Variants in TTC3 observed in about 807,000 individuals in gnomAD.
TTC3 encodes the protein E3 ubiquitin-protein ligase TTC3.
A neutral mutation model predicts 249.6 loss-of-function variants in TTC3; 180 were observed. The observed-to-expected ratio is 0.72, with a 90% CI of 0.64 to 0.82. TTC3 has a LOEUF of 0.82. Ranked by LOEUF, TTC3 falls within the 40% of genes least tolerant of loss-of-function variation. The pLI is 0.00. For synonymous variants in TTC3, 717 were observed against 805.0 expected (o/e 0.89, Z 1.85); for missense variants, 2,061 against 2,398.4 (o/e 0.86, Z 2.94).
intron 16 of TTC3, 27 bp downstream of exon 16, chr21:37,129,090 T>G: frequency 6.5e-7 from 1 of 1,531,198 alleles, no homozygotes; most frequent in Non-Finnish European, 8.8e-7. Context: ...AGGTATGTTT[T>G]TTTCCCCTTA....
intron 1 of TTC3, among the ~76,000 whole-genome samples, chr21:37,079,523 T>TTTTTG (rs2071339768): frequency 4.6e-5 from 1 of 21,618 alleles, no homozygotes. Context: ...TATGGTTTTT[T>TTTTTG]TTTTTTTTTT....
intron 5 of TTC3, among the ~76,000 whole-genome samples, 159 bp downstream of exon 5, chr21:37,089,045 G>C (rs1021613699): frequency 3.3e-5 from 5 of 152,220 alleles, no homozygotes; most frequent in Admixed American, 3.3e-4. Context: ...TGCGTGCTCA[G>C]TATTTGAGAG....
rs1485754191 is a variant in TTC3, at chr21:37,151,839, A to G, written c.2277-54A>G. ...TATTGCTTGGAAGATGGTTTCTACG[A>G]TAGTCAAAGGAAAACAGTTCATTGA... On this transcript the variant is annotated intron_variant, in intron 25 of 45. Coordinates refer to ENST00000355666, the Ensembl canonical transcript of TTC3. 3 of 1,490,108 alleles carry G rather than the reference A, an allele frequency of 2.0e-6. No homozygotes were observed. The African/African-American group carries it at 4.3e-5, about 21-fold the overall frequency. 92.3% of individuals were successfully genotyped at this position (1,490,108 alleles called of 1,614,324 possible).
intron 35 of TTC3, 143 bp downstream of exon 35, chr21:37,172,887 T>C: frequency 9.4e-7 from 1 of 1,060,626 alleles, no homozygotes. Context: ...TGCTTCAGAT[T>C]TCTTCATGAC....
chr21:37,167,773 TTTA>T (rs2081380747), intron 34 of TTC3, among the ~76,000 whole-genome samples, 153 bp downstream of exon 34: 1 of 152,168 alleles, frequency 6.6e-6, no homozygotes, highest in Admixed American at 6.5e-5. Flanking sequence ...TGATTTTGTT[TTTA>T]TTGTTGAAAT....
chr21:37,087,174 A>G, intron 1 of TTC3, 73 bp from the exon 2 acceptor site: 1 of 1,540,686 alleles, frequency 6.5e-7, no homozygotes, highest in Non-Finnish European at 8.8e-7. Flanking sequence ...AATATACCAT[A>G]GAAGCCAGGA....
At chr21:37,087,961 T>C in intron 3 of TTC3, 86 bp downstream of exon 3, 2 of 1,068,566 alleles carry the variant, frequency 1.9e-6, no homozygotes, top group Non-Finnish European at 2.8e-6. Flanking sequence ...TACAACAGAT[T>C]TATATGCCTT....
intron 19 of TTC3, among the ~76,000 whole-genome samples, chr21:37,139,955 A>C (rs2078284836): frequency 6.6e-6 from 1 of 152,124 alleles, no homozygotes; most frequent in African/African-American, 2.4e-5. Context: ...TTTCACTCAC[A>C]GTAGGGTTAC....
intron 35 of TTC3, 76 bp from the exon 36 acceptor site, chr21:37,182,698 C>A (rs2082869561): frequency 7.2e-7 from 1 of 1,390,908 alleles, no homozygotes; most frequent in Non-Finnish European, 9.6e-7. Flanking sequence ...GGCACCGTCA[C>A]AATTCTAGCC....
chr21:37,161,103 T>TG (rs2080698485), intron 30 of TTC3, among the ~76,000 whole-genome samples: 1 of 146,882 alleles, frequency 6.8e-6, no homozygotes, highest in Admixed American at 6.8e-5. Context: ...TATTTCTGAG[T>TG]AAAAAAAAAA....
intron 1 of TTC3, chr21:37,083,167 G>C: frequency 1.0e-6 from 1 of 985,362 alleles, no homozygotes; most frequent in Middle Eastern, 5.2e-4. Context: ...CTGAAATTGA[G>C]TATTAAGAAC....
At chr21:37,177,681 C>G (rs576775983) in intron 35 of TTC3, among the ~76,000 whole-genome samples, 12 of 152,312 alleles carry the variant, frequency 7.9e-5, no homozygotes, top group Admixed American at 6.5e-5. Flanking sequence ...TGACTCCCTC[C>G]TGCTTCTCCT....
At chr21:37,192,296 T>G (rs2084244239) in intron 41 of TTC3, 83 bp downstream of exon 41, 4 of 906,366 alleles carry the variant, frequency 4.4e-6, no homozygotes, top group Non-Finnish European at 6.6e-6. Flanking sequence ...TGTTGTTTCC[T>G]GGGAGTGAGG....
In TTC3 at chr21:37,073,472, T is replaced by G; in HGVS notation, c.-12+108T>G. 1 of 985,772 alleles carries G rather than the reference T, an allele frequency of 1.0e-6. No homozygotes were observed. Among genetic ancestry groups the G allele is most frequent in the Non-Finnish European group, 1.2e-6 (1 of 830,302 alleles). The allele number at this position is 985,772 out of a possible 1,614,324, so 61.1% of individuals were successfully genotyped here. A position where few individuals can be genotyped will look rare whatever the true frequency, so the allele number is the denominator to read the frequency against. On this transcript the variant is annotated intron_variant, in intron 1 of 45. An upstream open reading frame in the 5' UTR loses its in-frame stop. Coordinates refer to ENST00000355666, the Ensembl canonical transcript of TTC3. ...CTTCCACACCCCCTCCGTGGGTGTGTGGTGAGTGTGGGTGTGTGCGCGTCT... is the reference window on the plus strand; with the variant it reads ...CTTCCACACCCCCTCCGTGGGTGTGGGGTGAGTGTGGGTGTGTGCGCGTCT...
At chr21:37,183,192 C>A (rs569480056) in intron 36 of TTC3, among the ~76,000 whole-genome samples, 2 of 152,162 alleles carry the variant, frequency 1.3e-5, no homozygotes, top group South Asian at 4.1e-4. Flanking sequence ...AGTTTGAACA[C>A]CATCCCTTTC....
intron 35 of TTC3, 108 bp from the exon 36 acceptor site, chr21:37,182,666 C>A: frequency 8.5e-7 from 1 of 1,172,470 alleles, no homozygotes; most frequent in Non-Finnish European, 1.2e-6. Context: ...TTCCACTGAA[C>A]TTAGGTCATT....
intron 11 of TTC3, among the ~76,000 whole-genome samples, chr21:37,109,876 G>A (rs1312176189): frequency 1.3e-5 from 2 of 152,180 alleles, no homozygotes; most frequent in South Asian, 2.1e-4. Flanking sequence ...CCAGAGGAAC[G>A]ATCAGGCAGC....
chr21:37,121,570 A>G (rs2076588824), intron 11 of TTC3, among the ~76,000 whole-genome samples: 1 of 152,196 alleles, frequency 6.6e-6, no homozygotes, highest in Non-Finnish European at 1.5e-5. Flanking sequence ...GGGTACAGAA[A>G]TTTCTTAAGC....
chr21:37,154,809 C>T (rs1022932843), intron 27 of TTC3, among the ~76,000 whole-genome samples: 3 of 152,182 alleles, frequency 2.0e-5, no homozygotes, highest in Non-Finnish European at 4.4e-5. Flanking sequence ...CATTCTCCTG[C>T]CTCAGCCTCC....
Sources: gnomAD v4.1 joint callset for allele counts (sites outside exome capture counted in the v4.1 genomes callset) on GRCh38, gnomAD v4.1.1 for gene constraint, MANE v1.5 for transcripts, NCBI Gene and HGNC (gene_info 2026-07-23, HGNC 2026-07-21) for gene names.